LRRFIP1: variants seen among roughly 807,000 people sequenced by gnomAD.
The protein encoded by LRRFIP1 is leucine-rich repeat flightless-interacting protein 1.
LRRFIP1 carries 62 observed loss-of-function variants against 104.4 expected under a neutral mutation model. That is an observed-to-expected ratio of 0.59 (90% CI 0.48 to 0.73). The LOEUF (loss-of-function observed/expected upper bound fraction) is 0.73. LRRFIP1 is among the 30% of genes least tolerant of loss of function. The pLI, the probability that LRRFIP1 is intolerant of heterozygous loss-of-function variation, is 0.00. For synonymous variants in LRRFIP1, 300 were observed against 299.0 expected, an observed-to-expected ratio of 1.00 and a Z score of -0.03; for missense variants, 796 against 824.5, an observed-to-expected ratio of 0.97 and a Z score of 0.42.
rs147842277 is a variant in LRRFIP1 at position 237,680,815 on chromosome 2, C to T, written c.97-27729C>T. Among the ~76,000 whole-genome samples the T allele has an allele frequency of 8.5e-3, 1,299 of 152,160 alleles. 16 individuals are homozygous for T. Among genetic ancestry groups the T allele is most frequent in the African/African-American group, 0.025 (1,056 of 41,510 alleles). Reference sequence around the variant, plus strand: ...TGGGCAACATGGTGAAACCCCATCTCTATAAAAATACAAAAATTAGCCAGG... The same window carrying T: ...TGGGCAACATGGTGAAACCCCATCTTTATAAAAATACAAAAATTAGCCAGG... On this transcript the variant is annotated intron_variant, in intron 1 of 23. Coordinates refer to ENST00000308482, the MANE Select transcript of LRRFIP1 (RefSeq NM_001137550.2).
At chr2:237,646,329 G>A (rs755638003) in intron 1 of LRRFIP1, among the ~76,000 whole-genome samples, 4 of 151,786 alleles carry the variant, frequency 2.6e-5, no homozygotes, top group Non-Finnish European at 4.4e-5. Context: ...GTGTGCCAAG[G>A]GGATTTGCTG....
chr2:237,666,056 G>A (rs532111162), intron 1 of LRRFIP1, among the ~76,000 whole-genome samples: 4 of 152,298 alleles, frequency 2.6e-5, no homozygotes, highest in Admixed American at 2.0e-4. Context: ...CACCCTGGCT[G>A]CACCACCGAT....
At chr2:237,719,940 C>CT (rs57355213) in intron 5 of LRRFIP1, among the ~76,000 whole-genome samples, 7,320 of 103,772 alleles carry the variant, frequency 0.071, 579 homozygotes, top group African/African-American at 0.1. Context: ...GATGAAATTA[C>CT]TTTTTTTTTT....
rs563878562 is a variant in LRRFIP1 at position 237,756,969 on chromosome 2, G to A, written c.1132-487G>A. Among the ~76,000 whole-genome samples the A allele has an allele frequency of 1.4e-4, 21 of 151,730 alleles. No homozygotes were observed. In the East Asian group the frequency reaches 2.9e-3, roughly 21 times the overall value. ...CAGGAAGCTGAGGTTGGAGCGATGCGAGAGAGGGGCCATGAGCCAAGGAAA... is the reference window on the plus strand; with the variant it reads ...CAGGAAGCTGAGGTTGGAGCGATGCAAGAGAGGGGCCATGAGCCAAGGAAA... On this transcript the variant is annotated intron_variant, in intron 16 of 23. Transcript: ENST00000308482.
intron 2 of LRRFIP1, among the ~76,000 whole-genome samples, 183 bp from the exon 3 acceptor site, chr2:237,714,076 T>C (rs2094224217): frequency 6.6e-6 from 1 of 152,230 alleles, no homozygotes; most frequent in South Asian, 2.1e-4. Context: ...AAATGAAATG[T>C]AAAGTAAGTG....
rs1289633173 is a variant in LRRFIP1 at position 237,661,044 on chromosome 2, C to T, written c.96+33304C>T. Among the ~76,000 whole-genome samples the T allele has an allele frequency of 6.6e-6, 1 of 152,154 alleles. No individual in the cohort carries two copies. The highest frequency in any genetic ancestry group is 1.5e-5 in the Non-Finnish European group (1 of 68,014). On this transcript the variant is annotated intron_variant, in intron 1 of 23. Coordinates refer to ENST00000308482, the MANE Select transcript of LRRFIP1 (RefSeq NM_001137550.2). This position sits in a 1 kb window ranked among gnomAD's most constrained non-coding sequence, Gnocchi z 4.4. ...GCTCCAGAGGCACGCAGTCCCTGTG[C>T]CCCGAGAAACTAACATGCCATCTCT...
intron 1 of LRRFIP1, among the ~76,000 whole-genome samples, chr2:237,640,375 G>C (rs1156576033): frequency 6.6e-6 from 1 of 152,024 alleles, no homozygotes; most frequent in Admixed American, 6.6e-5. Context: ...CTGTTCTGGA[G>C]GCAGGAAGTC....
chr2:237,678,761 G>C (rs1481326614), intron 1 of LRRFIP1, among the ~76,000 whole-genome samples: 1 of 152,092 alleles, frequency 6.6e-6, no homozygotes, highest in Non-Finnish European at 1.5e-5. Flanking sequence ...GCCTGCCGTA[G>C]CCTCCAAAAG....
At chr2:237,671,430 A>T (rs1488295132) in intron 1 of LRRFIP1, among the ~76,000 whole-genome samples, 2 of 152,248 alleles carry the variant, frequency 1.3e-5, no homozygotes, top group African/African-American at 4.8e-5. Context: ...ATGCTCTCTT[A>T]CTGGCTTATA....
At chr2:237,759,999 A>T in intron 18 of LRRFIP1, 65 bp from the exon 19 acceptor site, 1 of 1,483,466 alleles carries the variant, frequency 6.7e-7, no homozygotes, top group Admixed American at 1.8e-5. Flanking sequence ...TTATTATTGT[A>T]TTAAAACAGA....
At chr2:237,646,803 A>T (rs1419204466) in intron 1 of LRRFIP1, among the ~76,000 whole-genome samples, 2 of 151,984 alleles carry the variant, frequency 1.3e-5, no homozygotes, top group African/African-American at 4.8e-5. Context: ...GGAATGTTCC[A>T]GTCTCCAAAG....
intron 1 of LRRFIP1, among the ~76,000 whole-genome samples, chr2:237,701,654 C>A (rs1459353825): frequency 1.3e-5 from 2 of 152,134 alleles, no homozygotes; most frequent in South Asian, 2.1e-4. Flanking sequence ...GAGCGGGAGG[C>A]CCATGGGGAG....
At chr2:237,746,298 A>G (rs993745818) in intron 11 of LRRFIP1, among the ~76,000 whole-genome samples, 1 of 152,104 alleles carries the variant, frequency 6.6e-6, no homozygotes, top group Non-Finnish European at 1.5e-5. Context: ...ACCTCAAATG[A>G]TCTGCCCACC....
rs1318781231 is a variant in LRRFIP1 at position 237,703,429 on chromosome 2, A to T, written c.97-5115A>T. On this transcript the variant is annotated intron_variant, in intron 1 of 23. Coordinates refer to ENST00000308482, the MANE Select transcript of LRRFIP1 (RefSeq NM_001137550.2). The surrounding 1 kb of genome is among the most constrained non-coding windows in gnomAD (Gnocchi z 4.3). Reference sequence around the variant, plus strand: ...GCCCTGTTTCTAAAACAAAAGTCAGATTCCGCTGTGTTCTTAAAACCCTTC... The same window carrying T: ...GCCCTGTTTCTAAAACAAAAGTCAGTTTCCGCTGTGTTCTTAAAACCCTTC... 6.6e-6 allele frequency among the ~76,000 whole-genome samples: 1 copy of T among 152,138 alleles called. No individual in the cohort carries two copies. Among genetic ancestry groups the T allele is most frequent in the Non-Finnish European group, 1.5e-5 (1 of 68,024 alleles).
chr2:237,676,972 C>T (rs1387507901), intron 1 of LRRFIP1, among the ~76,000 whole-genome samples: 1 of 152,244 alleles, frequency 6.6e-6, no homozygotes, highest in African/African-American at 2.4e-5. Context: ...CGTCTTCCTC[C>T]TTTTGTGATT....
chr2:237,698,562 G>C (rs1016892180), intron 1 of LRRFIP1, among the ~76,000 whole-genome samples: 5 of 152,264 alleles, frequency 3.3e-5, no homozygotes, highest in Non-Finnish European at 7.3e-5. Context: ...GGCCCGGCCA[G>C]GAGCAGCCTT....
chr2:237,757,178 A>T (rs1263964751), intron 16 of LRRFIP1, among the ~76,000 whole-genome samples: 1 of 152,216 alleles, frequency 6.6e-6, no homozygotes, highest in Non-Finnish European at 1.5e-5. Context: ...ATAAGAAACT[A>T]ATACAGGGTT....
intron 1 of LRRFIP1, among the ~76,000 whole-genome samples, chr2:237,701,909 C>T (rs1025664792): frequency 2.0e-5 from 3 of 152,220 alleles, no homozygotes; most frequent in African/African-American, 2.4e-5. Flanking sequence ...CGAGATGTCA[C>T]GCATGGGTCC....
intron 1 of LRRFIP1, among the ~76,000 whole-genome samples, chr2:237,658,422 G>T (rs1341703808): frequency 6.6e-6 from 1 of 152,206 alleles, no homozygotes; most frequent in Non-Finnish European, 1.5e-5. Context: ...TTTGGTACCA[G>T]ATAGCCTGGT....
Sources: gnomAD v4.1 joint callset for allele counts (sites outside exome capture counted in the v4.1 genomes callset) on GRCh38, gnomAD v4.1.1 for gene constraint, Gnocchi (gnomAD v3.1) non-coding constraint, MANE v1.5 for transcripts, NCBI Gene and HGNC (gene_info 2026-07-23, HGNC 2026-07-21) for gene names.